The following KIF16B variants were observed in gnomAD, a reference collection of about 807,000 sequenced individuals.
The protein encoded by KIF16B is kinesin-like protein KIF16B.
In KIF16B, 98 loss-of-function variants were observed where a neutral mutation model predicts 156.3. The observed-to-expected ratio is 0.63, with a 90% CI of 0.53 to 0.74. The LOEUF (loss-of-function observed/expected upper bound fraction) is 0.74. Ranked by LOEUF, KIF16B falls within the 30% of genes least tolerant of loss-of-function variation. KIF16B has a pLI of 0.00. For missense variants in KIF16B, 1,421 were observed against 1,606.5 expected, an observed-to-expected ratio of 0.88 and a Z score of 1.97; for synonymous variants, 564 against 583.7, an observed-to-expected ratio of 0.97 and a Z score of 0.49.
At chr20:16,385,572 G>C (rs1030590890) in intron 17 of KIF16B, among the ~76,000 whole-genome samples, 1 of 152,210 alleles carries the variant, frequency 6.6e-6, no homozygotes, top group Admixed American at 6.5e-5. Flanking sequence ...CCACCTCAAA[G>C]GGCTGTAGCC....
chr20:16,376,916 C>T (rs560205659), intron 19 of KIF16B, among the ~76,000 whole-genome samples: 1 of 152,184 alleles, frequency 6.6e-6, no homozygotes, highest in Non-Finnish European at 1.5e-5. Context: ...AACCTCCAAC[C>T]TATTTCTCTG....
chr20:16,419,514 C>A (rs961350229), intron 15 of KIF16B, among the ~76,000 whole-genome samples: 1 of 152,234 alleles, frequency 6.6e-6, no homozygotes, highest in East Asian at 1.9e-4. Context: ...ATCATCTGTT[C>A]CCTCTGAGTA....
chr20:16,398,038 T>C (rs2065555554), intron 17 of KIF16B, among the ~76,000 whole-genome samples: 2 of 152,044 alleles, frequency 1.3e-5, no homozygotes, highest in East Asian at 3.8e-4. Context: ...AAACATCAAA[T>C]GAACAAATTT....
At chr20:16,447,120 G>C (rs889825331) in intron 12 of KIF16B, among the ~76,000 whole-genome samples, 4 of 152,056 alleles carry the variant, frequency 2.6e-5, no homozygotes, top group Admixed American at 2.6e-4. Context: ...TGAGAAAAGA[G>C]TTTAATACAT....
chr20:16,367,531 T>C lies in KIF16B; in HGVS notation c.3498+3055A>G, dbSNP rs778738307. ...GTGGGTGTTCAGAAGGACTAGCGAC[T>C]GGCACTGGTCATGGCCAGAGTCACC... On this transcript the variant is annotated intron_variant, in intron 22 of 25. Transcript: ENST00000354981. 1.9e-6 allele frequency: 3 copies of C among 1,612,878 alleles called. No individual in the cohort carries two copies. The South Asian group carries it at 3.3e-5, about 18-fold the overall frequency.
intron 12 of KIF16B, among the ~76,000 whole-genome samples, chr20:16,438,266 C>T (rs2066701830): frequency 1.3e-5 from 2 of 152,166 alleles, no homozygotes; most frequent in South Asian, 4.1e-4. Flanking sequence ...CCCCCTGTAT[C>T]TGAAGTTTTG....
intron 24 of KIF16B, among the ~76,000 whole-genome samples, chr20:16,328,662 C>A (rs1349415262): frequency 6.6e-6 from 1 of 152,168 alleles, no homozygotes; most frequent in Non-Finnish European, 1.5e-5. Flanking sequence ...GCTGCTATAA[C>A]AAAATACCTT....
intron 25 of KIF16B, among the ~76,000 whole-genome samples, chr20:16,288,642 C>T (rs796138541): frequency 1.0e-4 from 14 of 139,902 alleles, no homozygotes; most frequent in African/African-American, 3.4e-4. Context: ...CCTTAGTAAA[C>T]ACAGTATGTA....
Position 16,379,738 on chromosome 20 carries a change from T to C in KIF16B, c.2264A>G (p.Glu755Gly), listed in dbSNP as rs757076564. The C allele has an allele frequency of 8.1e-6, 13 of 1,614,194 alleles. No homozygotes were observed. The highest frequency in any genetic ancestry group is 1.1e-5 in the Non-Finnish European group (13 of 1,180,030). Reference protein sequence around the residue: ...ELEKKRLEEQEKEQVMLVAHL... With the variant: ...ELEKKRLEEQGKEQVMLVAHL... Reference sequence around the variant, plus strand: ...GGCCACGAGCATGACCTGCTCCTTCTCCTGCTCCTCTAGTCTCTTTTTTTC... The same window carrying C: ...GGCCACGAGCATGACCTGCTCCTTCCCCTGCTCCTCTAGTCTCTTTTTTTC... Residue 755 changes from glutamate (E) to glycine (G), a missense_variant, in exon 19 of 26, where the codon GAG (glutamate) becomes GGG (glycine). Coordinates refer to ENST00000354981, the MANE Select transcript of KIF16B (RefSeq NM_024704.5).
At chr20:16,382,192 A>C in intron 17 of KIF16B, 1 of 1,071,440 alleles carries the variant, frequency 9.3e-7, no homozygotes, top group South Asian at 1.4e-5. Flanking sequence ...AATTAAGGAA[A>C]GCATTTAATA....
At position 16,367,624 on chromosome 20, in the gene KIF16B, T is replaced by G. The variant is rs148777500; in HGVS notation, c.3498+2962A>C. On this transcript the variant is annotated intron_variant, in intron 22 of 25. Coordinates refer to ENST00000354981, the MANE Select transcript of KIF16B (RefSeq NM_024704.5). Reference sequence around the variant, plus strand: ...CAGGGAAGGGACATTGACTTCCATATTTCCATGAAGAAAGTAAATCATGTC... The same window carrying G: ...CAGGGAAGGGACATTGACTTCCATAGTTCCATGAAGAAAGTAAATCATGTC... 4.3e-4 allele frequency: 701 copies of G among 1,612,782 alleles called. 3 individuals are homozygous for G. In the African/African-American group the frequency reaches 8.2e-3, roughly 19 times the overall value.
rs193167256 is a variant in KIF16B, at chr20:16,537,864, T to C, written c.48-9424A>G. 5.5e-4 allele frequency among the ~76,000 whole-genome samples: 83 copies of C among 151,910 alleles called. 1 individual carries two copies. In the East Asian group the frequency reaches 0.014, roughly 25 times the overall value. On this transcript the variant is annotated intron_variant, in intron 1 of 25. Coordinates refer to ENST00000354981, the MANE Select transcript of KIF16B (RefSeq NM_024704.5). ...GATTACAGATGTGCACCACGATGCC[T>C]AGCTAATTTTTGTATTTTTAGTAGA...
intron 1 of KIF16B, among the ~76,000 whole-genome samples, chr20:16,557,352 G>A (rs1177447100): frequency 6.6e-6 from 1 of 151,898 alleles, no homozygotes; most frequent in Non-Finnish European, 1.5e-5. Context: ...GCTAATTTTT[G>A]TAATTTTAGT....
rs765262170 is a variant in KIF16B at position 16,518,042 on chromosome 20, G to A, written c.232-2378C>T. The stretch of plus-strand genomic sequence containing the variant: ...AGAAAGTTAACCCAGGCGGTTTTCC[G>A]GTTCAGGGGCTCAGGGGGTTTGGGG... On this transcript the variant is annotated intron_variant, in intron 3 of 25. Transcript: ENST00000354981. Among the ~76,000 whole-genome samples the A allele has an allele frequency of 5.3e-5, 8 of 152,098 alleles. No homozygotes were observed. In the East Asian group the frequency reaches 7.7e-4, roughly 15 times the overall value.
chr20:16,508,246 T>C, intron 6 of KIF16B, 146 bp from the exon 7 acceptor site: 1 of 893,648 alleles, frequency 1.1e-6, no homozygotes, highest in Non-Finnish European at 1.7e-6. Context: ...TGGTGGTATG[T>C]AATGCAGACC....
At chr20:16,469,254 T>TAAAAAAAAAAAAAAAAAAAAAAAAAAAAA (rs57114751) in intron 12 of KIF16B, among the ~76,000 whole-genome samples, 2 of 66,080 alleles carry the variant, frequency 3.0e-5, no homozygotes, top group African/African-American at 5.7e-5. Flanking sequence ...CCCTGTGTCT[T>TAAAAAAAAAAAAAAAAAAAAAAAAAAAAA]AAAAAAAAAA....
chr20:16,518,172 C>T (rs1306380991), intron 3 of KIF16B, among the ~76,000 whole-genome samples: 2 of 152,114 alleles, frequency 1.3e-5, no homozygotes, highest in Non-Finnish European at 2.9e-5. Context: ...CTCAAATAAC[C>T]CACCCAAACT....
intron 12 of KIF16B, among the ~76,000 whole-genome samples, chr20:16,461,537 T>TA (rs2067345133): frequency 1.3e-5 from 2 of 152,102 alleles, no homozygotes; most frequent in African/African-American, 4.8e-5. Context: ...ATTTATACAT[T>TA]AAAAAACAGT....
At chr20:16,384,206 C>T (rs941293958) in intron 17 of KIF16B, among the ~76,000 whole-genome samples, 4 of 152,106 alleles carry the variant, frequency 2.6e-5, no homozygotes, top group Non-Finnish European at 5.9e-5. Context: ...AAAAATTGAA[C>T]ACAGTGTCAC....
Sources: allele counts gnomAD v4.1 joint callset (sites outside exome capture counted in the v4.1 genomes callset), GRCh38; gene constraint gnomAD v4.1.1; transcripts MANE v1.5; gene names NCBI Gene and HGNC (gene_info 2026-07-23, HGNC 2026-07-21).